The following RECK variants were observed in gnomAD, a reference collection of about 807,000 sequenced individuals.
RECK encodes the protein reversion-inducing cysteine-rich protein with Kazal motifs.
RECK carries 69 observed loss-of-function variants against 115.1 expected under a neutral mutation model. The observed-to-expected ratio is 0.60, with a 90% CI of 0.49 to 0.73. The LOEUF (loss-of-function observed/expected upper bound fraction) is 0.73. Ranked by LOEUF, RECK falls within the 30% of genes least tolerant of loss-of-function variation. The probability of loss-of-function intolerance (pLI) is 0.00; values close to 1 mark genes in which losing one functional copy is unlikely to be tolerated. For missense variants in RECK, 1,047 were observed against 1,203.7 expected (o/e 0.87, Z 1.93); for synonymous variants, 414 against 419.7 (o/e 0.99, Z 0.17).
chr9:36,066,096 C>T (rs1821985627), intron 6 of RECK, among the ~76,000 whole-genome samples: 1 of 152,090 alleles, frequency 6.6e-6, no homozygotes, highest in Non-Finnish European at 1.5e-5. Context: ...GGAAAAAATA[C>T]TAAGTTACAA....
intron 16 of RECK, among the ~76,000 whole-genome samples, chr9:36,115,667 G>T (rs1351738081): frequency 6.6e-6 from 1 of 152,020 alleles, no homozygotes; most frequent in Non-Finnish European, 1.5e-5. Context: ...CCATAACTAA[G>T]TGCATTGTAA....
Position 36,108,006 on chromosome 9 carries a change from T to C in RECK, c.1607T>C (p.Ile536Thr). 6.2e-7 allele frequency: 1 copy of C among 1,612,076 alleles called. No homozygotes were observed. The part of the protein sequence containing the change: ...GCKLGEASDF[I>T]VRQGTLIQVP... ...AAACTGGGAGAAGCTTCTGATTTCATTGTCCGTCAAGGGACACTAATCCAG... is the reference window on the plus strand; with the variant it reads ...AAACTGGGAGAAGCTTCTGATTTCACTGTCCGTCAAGGGACACTAATCCAG... Residue 536 changes from isoleucine to threonine, a missense_variant, in exon 14 of 21, where the codon ATT (isoleucine) becomes ACT (threonine). Physicochemically the swap from Ile to Thr is moderately conservative, Grantham distance 89. Coordinates refer to ENST00000377966, the MANE Select transcript of RECK (RefSeq NM_021111.3).
chr9:36,058,858 A>AG lies in RECK; in HGVS notation c.191_192insG (p.His65ThrfsTer16). The AG allele has an allele frequency of 6.3e-7, 1 of 1,597,172 alleles. No individual in the cohort carries two copies. The highest frequency in any genetic ancestry group is 8.5e-7 in the Non-Finnish European group (1 of 1,170,404). On this transcript the variant is annotated frameshift_variant, in exon 3 of 21. Transcript: ENST00000377966. LOFTEE classifies it high-confidence loss of function. ...TCCTCAAAAAGTGAATCCCGACTAA[A>AG]ACATCTGTTGCAGCGAGCCCCAGAT...
chr9:36,117,705 G>A (rs1228263106), intron 17 of RECK, among the ~76,000 whole-genome samples: 6 of 152,194 alleles, frequency 3.9e-5, no homozygotes, highest in Non-Finnish European at 5.9e-5. Flanking sequence ...AAACTGGGCC[G>A]GGCGCGGTGG....
At chr9:36,115,694 G>A (rs1013635960) in intron 16 of RECK, among the ~76,000 whole-genome samples, 6 of 152,074 alleles carry the variant, frequency 3.9e-5, no homozygotes, top group African/African-American at 1.4e-4. Context: ...ACCATTTCAT[G>A]CATAGTGACG....
chr9:36,100,341 C>G lies in RECK; in HGVS notation c.1096C>G (p.Leu366Val). The G allele has an allele frequency of 6.2e-7, 1 of 1,613,820 alleles. No homozygotes were observed. The highest frequency in any genetic ancestry group is 8.5e-7 in the Non-Finnish European group (1 of 1,179,838). The change falls in exon 11 of 21, where the codon CTT becomes GTT. Residue 366 changes from leucine to valine, a missense_variant. Transcript: ENST00000377966. ...CTTTTTTCTCTTTAGGCCAACAGAA[C>G]TTTTCAGGAGTTGTAATGCACAGTC... is the stretch of plus-strand genomic sequence containing the variant. ...CTNFNNRPTE[L>V]FRSCNAQSDQ...
At chr9:36,069,954 C>T (rs1447872625) in intron 6 of RECK, among the ~76,000 whole-genome samples, 1 of 152,052 alleles carries the variant, frequency 6.6e-6, no homozygotes, top group Non-Finnish European at 1.5e-5. Context: ...TAAATGGTTC[C>T]GAAAGAAAGT....
chr9:36,066,087 G>GA (rs935542143), intron 6 of RECK, among the ~76,000 whole-genome samples: 1 of 152,044 alleles, frequency 6.6e-6, no homozygotes, highest in African/African-American at 2.4e-5. Context: ...GCATTTGGGG[G>GA]AAAAAATACT....
rs759149260 is a variant in RECK, at chr9:36,091,361, A to T, written c.1085+18A>T. ...AACAACAGGTAAGACAAATTATTAT[A>T]CATGGAATGGAAATATTTTATCATT... On this transcript the variant is annotated intron_variant, in intron 10 of 20. Coordinates refer to ENST00000377966, the MANE Select transcript of RECK (RefSeq NM_021111.3). 1 of 1,408,932 alleles carries T rather than the reference A, an allele frequency of 7.1e-7. No individual in the cohort carries two copies. Among genetic ancestry groups the T allele is most frequent in the Non-Finnish European group, 9.4e-7 (1 of 1,061,520 alleles). 87.3% of individuals were successfully genotyped at this position (1,408,932 alleles called of 1,614,324 possible).
At chr9:36,072,336 A>G (rs1170181857) in intron 6 of RECK, among the ~76,000 whole-genome samples, 1 of 152,230 alleles carries the variant, frequency 6.6e-6, no homozygotes, top group Non-Finnish European at 1.5e-5. Flanking sequence ...AGGAGCAGGG[A>G]TATCAGGACC....
intron 7 of RECK, among the ~76,000 whole-genome samples, chr9:36,081,409 T>A (rs1261712028): frequency 6.6e-6 from 1 of 152,172 alleles, no homozygotes; most frequent in Non-Finnish European, 1.5e-5. Flanking sequence ...AAAAGCCAGC[T>A]GAATGGAGGA....
chr9:36,051,789 C>G (rs1821312931), intron 1 of RECK, among the ~76,000 whole-genome samples: 1 of 152,128 alleles, frequency 6.6e-6, no homozygotes, highest in African/African-American at 2.4e-5. Flanking sequence ...TTGGCTTTAC[C>G]TGCACTCCAG....
Position 36,082,660 on chromosome 9 carries a change from A to G in RECK, c.440-705A>G, listed in dbSNP as rs960741400. 2.0e-5 allele frequency among the ~76,000 whole-genome samples: 3 copies of G among 152,210 alleles called. No individual in the cohort carries two copies. In the East Asian group the frequency reaches 5.8e-4, roughly 29 times the overall value. ...TTTTTAAATAAATAAATCCAGAGTAATATTTATTTCAAATGAGTTTTCTTT... is the reference window on the plus strand; with the variant it reads ...TTTTTAAATAAATAAATCCAGAGTAGTATTTATTTCAAATGAGTTTTCTTT... On this transcript the variant is annotated intron_variant, in intron 7 of 20. Transcript: ENST00000377966.
intron 10 of RECK, among the ~76,000 whole-genome samples, chr9:36,096,990 A>G (rs1823371908): frequency 1.3e-5 from 2 of 152,092 alleles, no homozygotes; most frequent in South Asian, 4.1e-4. Flanking sequence ...AATAACTCCT[A>G]CAACATCATG....
intron 6 of RECK, among the ~76,000 whole-genome samples, chr9:36,071,154 G>C (rs1223096913): frequency 6.6e-6 from 1 of 152,178 alleles, no homozygotes; most frequent in Non-Finnish European, 1.5e-5. Flanking sequence ...ATGAGTTCAT[G>C]TTTTCCAGGG....
intron 9 of RECK, among the ~76,000 whole-genome samples, chr9:36,090,790 G>A (rs917082496): frequency 6.6e-6 from 1 of 152,064 alleles, no homozygotes; most frequent in Non-Finnish European, 1.5e-5. Context: ...ATAAATATAA[G>A]GGAATATATC....
At chr9:36,082,347 C>A (rs992098639) in intron 7 of RECK, among the ~76,000 whole-genome samples, 1 of 152,066 alleles carries the variant, frequency 6.6e-6, no homozygotes, top group African/African-American at 2.4e-5. Flanking sequence ...CTGCACCCAG[C>A]TAATTTTTGT....
At chr9:36,064,393 C>T (rs192835992) in intron 5 of RECK, among the ~76,000 whole-genome samples, 13 of 152,276 alleles carry the variant, frequency 8.5e-5, no homozygotes, top group Admixed American at 2.0e-4. Flanking sequence ...AGCTTAGGTG[C>T]CTGAGTTTGT....
At position 36,083,466 on chromosome 9, in the gene RECK, A is replaced by G. The variant is rs764673972; in HGVS notation, c.541A>G (p.Lys181Glu). The G allele has an allele frequency of 1.2e-6, 2 of 1,614,078 alleles. No individual in the cohort carries two copies. Among genetic ancestry groups the G allele is most frequent in the Non-Finnish European group, 1.7e-6 (2 of 1,179,984 alleles). ...CTCTTCTCCTGGTCCATCTCAGATA[A>G]AAGCAGTGGAAAATTATTGCGCCTC... ...TDSSPGPSQI[K>E]AVENYCASIS... Residue 181 changes from lysine (K) to glutamate (E), a missense_variant, in exon 8 of 21, where the codon AAA (lysine) becomes GAA (glutamate). Transcript: ENST00000377966.
Sources: gnomAD v4.1 joint callset for allele counts (sites outside exome capture counted in the v4.1 genomes callset) on GRCh38, gnomAD v4.1.1 for gene constraint, MANE v1.5 for transcripts, NCBI Gene and HGNC (gene_info 2026-07-23, HGNC 2026-07-21) for gene names.